The following ROBO1 variants were observed in gnomAD, a reference collection of about 807,000 sequenced individuals.
ROBO1 encodes roundabout homolog 1.
Under a neutral mutation model 195.9 loss-of-function variants are expected in ROBO1, and 149 were observed. That is an observed-to-expected ratio of 0.76 (90% CI 0.67 to 0.87). The LOEUF is 0.87. Ranked by LOEUF, ROBO1 falls within the 40% of genes least tolerant of loss-of-function variation. ROBO1 has a pLI of 0.00. For missense variants in ROBO1, 1,933 were observed against 2,068.3 expected, an observed-to-expected ratio of 0.93 and a Z score of 1.27; for synonymous variants, 816 against 733.2, an observed-to-expected ratio of 1.11 and a Z score of -1.82.
chr3:78,935,549 G>T (rs1156643741), intron 4 of ROBO1, among the ~76,000 whole-genome samples: 1 of 151,996 alleles, frequency 6.6e-6, no homozygotes, highest in Admixed American at 6.6e-5. Flanking sequence ...GGTGATATTG[G>T]TTACAGGAGA....
At chr3:79,575,151 T>TATATATAA (rs1553767448) in intron 2 of ROBO1, among the ~76,000 whole-genome samples, 3 of 45,870 alleles carry the variant, frequency 6.5e-5, no homozygotes, top group African/African-American at 2.3e-4. Context: ...AATATATAAA[T>TATATATAA]ATATATATAA....
At chr3:79,018,002 A>G (rs1301210306) in intron 3 of ROBO1, among the ~76,000 whole-genome samples, 1 of 152,180 alleles carries the variant, frequency 6.6e-6, no homozygotes, top group Non-Finnish European at 1.5e-5. Flanking sequence ...ACAAGCTCCC[A>G]GGGCGCACAT....
At chr3:78,981,992 A>G (rs2077005335) in intron 3 of ROBO1, among the ~76,000 whole-genome samples, 1 of 152,142 alleles carries the variant, frequency 6.6e-6, no homozygotes, top group Non-Finnish European at 1.5e-5. Context: ...TGCCACATCC[A>G]GACAGCCTTG....
chr3:79,347,744 T>C (rs2035180426), intron 2 of ROBO1, among the ~76,000 whole-genome samples: 1 of 152,140 alleles, frequency 6.6e-6, no homozygotes, highest in Admixed American at 6.6e-5. Context: ...AGCACAAAAG[T>C]TATTTAAACA....
intron 8 of ROBO1, among the ~76,000 whole-genome samples, chr3:78,699,234 T>C (rs2081365351): frequency 6.6e-6 from 1 of 151,836 alleles, no homozygotes; most frequent in South Asian, 2.1e-4. Context: ...TATGATGTAG[T>C]CAGAGTGATT....
intron 2 of ROBO1, among the ~76,000 whole-genome samples, chr3:79,225,260 G>T (rs1049906486): frequency 6.6e-6 from 1 of 152,146 alleles, no homozygotes; most frequent in African/African-American, 2.4e-5. Context: ...TTGGGCATAA[G>T]ATAGGTAATC....
chr3:78,877,828 A>G (rs188565747), intron 4 of ROBO1, among the ~76,000 whole-genome samples: 4 of 152,344 alleles, frequency 2.6e-5, no homozygotes, highest in Admixed American at 2.6e-4. Flanking sequence ...GAAAAATAAG[A>G]GCTGAGAAAA....
chr3:78,765,544 G>A (rs975448901), intron 4 of ROBO1, among the ~76,000 whole-genome samples: 11 of 151,798 alleles, frequency 7.2e-5, no homozygotes, highest in African/African-American at 1.2e-4. Flanking sequence ...TTTACTAAGC[G>A]AAAGAGTAGG....
intron 3 of ROBO1, among the ~76,000 whole-genome samples, chr3:78,950,412 G>GA (rs1055775751): frequency 2.0e-5 from 3 of 148,838 alleles, no homozygotes; most frequent in African/African-American, 7.4e-5. Context: ...ATAGCAAGGA[G>GA]AAAAAACCAA....
intron 2 of ROBO1, among the ~76,000 whole-genome samples, chr3:79,316,815 T>C (rs969106069): frequency 3.3e-5 from 5 of 152,148 alleles, no homozygotes; most frequent in African/African-American, 1.2e-4. Context: ...TGAAATTAAA[T>C]ATATCAATGG....
intron 2 of ROBO1, among the ~76,000 whole-genome samples, chr3:79,228,839 T>G (rs920427463): frequency 1.3e-5 from 2 of 152,124 alleles, no homozygotes; most frequent in Non-Finnish European, 2.9e-5. Context: ...GTAGCATATA[T>G]TAGACTAATT....
At chr3:79,050,808 T>G (rs1055352339) in intron 3 of ROBO1, among the ~76,000 whole-genome samples, 1 of 152,158 alleles carries the variant, frequency 6.6e-6, no homozygotes, top group Admixed American at 6.5e-5. Flanking sequence ...CCTCAATGAC[T>G]ACTGGGTAAA....
Position 78,835,072 on chromosome 3 carries a change from A to G in ROBO1, c.500-88172T>C, listed in dbSNP as rs926971216. Among the ~76,000 whole-genome samples, 3 of 152,188 alleles carry G rather than the reference A, an allele frequency of 2.0e-5. 1 individual carries two copies. In the South Asian group the frequency reaches 6.2e-4, roughly 31 times the overall value. ...TTTCATAACAGAGGGAAGCCAAGAG[A>G]TGAATCAATGTCCATTCTATATTAA... is the stretch of plus-strand genomic sequence containing the variant. On this transcript the variant is annotated intron_variant, in intron 4 of 30. Coordinates refer to ENST00000464233, the MANE Select transcript of ROBO1 (RefSeq NM_002941.4).
intron 3 of ROBO1, among the ~76,000 whole-genome samples, chr3:79,048,189 C>A (rs1320038693): frequency 6.6e-6 from 1 of 152,096 alleles, no homozygotes; most frequent in South Asian, 2.1e-4. Context: ...GCTTCCAATT[C>A]ATTCCAATTA....
At chr3:78,771,151 G>C (rs1028290099) in intron 4 of ROBO1, among the ~76,000 whole-genome samples, 1 of 152,112 alleles carries the variant, frequency 6.6e-6, no homozygotes, top group Non-Finnish European at 1.5e-5. Context: ...GATTGAATAG[G>C]GAGTTTATTC....
intron 2 of ROBO1, among the ~76,000 whole-genome samples, chr3:79,249,330 A>G (rs116538203): frequency 0.017 from 2,575 of 152,276 alleles, 66 homozygotes; most frequent in African/African-American, 0.057. Flanking sequence ...GACAGAGTAT[A>G]TGCCTAATTC....
intron 4 of ROBO1, among the ~76,000 whole-genome samples, chr3:78,913,867 T>A (rs1346164087): frequency 6.6e-6 from 1 of 152,170 alleles, no homozygotes; most frequent in East Asian, 1.9e-4. Context: ...TGTGTGCACA[T>A]GGGAAGTACT....
chr3:79,102,527 C>A (rs1200802325), intron 3 of ROBO1, among the ~76,000 whole-genome samples: 2 of 151,756 alleles, frequency 1.3e-5, no homozygotes, highest in Non-Finnish European at 2.9e-5. Context: ...TCCAAAACTT[C>A]CTGTTTGCCA....
At chr3:78,688,278 A>G (rs1472892299) in intron 9 of ROBO1, among the ~76,000 whole-genome samples, 1 of 152,232 alleles carries the variant, frequency 6.6e-6, no homozygotes, top group African/African-American at 2.4e-5. Flanking sequence ...CTGAATAATT[A>G]TCATCTGTTT....
Sources: gnomAD v4.1 joint callset for allele counts (sites outside exome capture counted in the v4.1 genomes callset) on GRCh38, gnomAD v4.1.1 for gene constraint, MANE v1.5 for transcripts, NCBI Gene and HGNC (gene_info 2026-07-23, HGNC 2026-07-21) for gene names.